The following PCDH15 variants were observed in gnomAD, a reference collection of about 807,000 sequenced individuals.
PCDH15 encodes the protein protocadherin-15.
Under a neutral mutation model 178.5 loss-of-function variants are expected in PCDH15, and 129 were observed. The observed-to-expected ratio is 0.72, with a 90% confidence interval of 0.63 to 0.84. The LOEUF is 0.84. Among genes scored for constraint, PCDH15 ranks in the 40% least tolerant of loss-of-function variants. The pLI, the probability that PCDH15 is intolerant of heterozygous loss-of-function variation, is 0.00. For missense variants in PCDH15, 2,230 were observed against 2,099.9 expected, an observed-to-expected ratio of 1.06 and a Z score of -1.21; for synonymous variants, 800 against 732.0, an observed-to-expected ratio of 1.09 and a Z score of -1.50.
At chr10:55,474,786 A>T (rs531692596) in intron 2 of PCDH15, among the ~76,000 whole-genome samples, 13 of 152,292 alleles carry the variant, frequency 8.5e-5, no homozygotes, top group African/African-American at 3.1e-4. Flanking sequence ...AGATTGTTGG[A>T]ACACATATGT....
chr10:55,417,198 A>T (rs981971683), intron 2 of PCDH15, among the ~76,000 whole-genome samples: 3 of 151,852 alleles, frequency 2.0e-5, no homozygotes, highest in Non-Finnish European at 4.4e-5. Flanking sequence ...CATATTATCC[A>T]TCGCTGTGTT....
intron 2 of PCDH15, among the ~76,000 whole-genome samples, chr10:55,381,469 C>T (rs892650185): frequency 2.0e-5 from 3 of 152,140 alleles, no homozygotes; most frequent in Middle Eastern, 3.4e-3. Flanking sequence ...CAAGATATGT[C>T]CCCAAGAGAG....
chr10:54,576,199 T>C (rs1222639067), intron 2 of PCDH15, among the ~76,000 whole-genome samples: 2 of 152,192 alleles, frequency 1.3e-5, no homozygotes. Flanking sequence ...ACTGCTGCTT[T>C]TCCAGTTGTA....
chr10:55,169,840 A>T (rs1396070234), intron 1 of PCDH15, among the ~76,000 whole-genome samples: 3 of 152,204 alleles, frequency 2.0e-5, no homozygotes, highest in Admixed American at 2.0e-4. Context: ...TGAATTTTGA[A>T]AATCCTTAAG....
At chr10:54,040,204 C>T (rs2093512307) in intron 18 of PCDH15, among the ~76,000 whole-genome samples, 1 of 151,974 alleles carries the variant, frequency 6.6e-6, no homozygotes, top group South Asian at 2.1e-4. Flanking sequence ...GCTGTGTTCT[C>T]ACCCAAATCT....
intron 3 of PCDH15, among the ~76,000 whole-genome samples, chr10:54,844,939 T>TA (rs1953479614): frequency 6.6e-6 from 1 of 151,956 alleles, no homozygotes; most frequent in African/African-American, 2.4e-5. Context: ...AAAGCAGAAT[T>TA]AAGAGCAGGC....
At chr10:55,293,939 C>T (rs1411026172) in intron 1 of PCDH15, among the ~76,000 whole-genome samples, 1 of 152,134 alleles carries the variant, frequency 6.6e-6, no homozygotes, top group Non-Finnish European at 1.5e-5. Flanking sequence ...CAGCAGCACC[C>T]ACTTTTCTGG....
At chr10:54,062,227 C>CAAAAAAAAAAAAAAAAAA (rs72361686) in intron 18 of PCDH15, among the ~76,000 whole-genome samples, 18 of 53,806 alleles carry the variant, frequency 3.3e-4, no homozygotes, top group Admixed American at 3.9e-4. Context: ...GATTCTGTCT[C>CAAAAAAAAAAAAAAAAAA]AAAAAAAAAA....
intron 8 of PCDH15, among the ~76,000 whole-genome samples, chr10:54,287,180 C>CTAG: frequency 6.6e-6 from 1 of 152,208 alleles, no homozygotes; most frequent in East Asian, 1.9e-4. Context: ...CTTCTCAAAA[C>CTAG]TTCTAAAGTT....
At chr10:55,590,097 A>G (rs1292331547) in intron 2 of PCDH15, among the ~76,000 whole-genome samples, 1 of 151,150 alleles carries the variant, frequency 6.6e-6, no homozygotes, top group African/African-American at 2.4e-5. Flanking sequence ...GATTAAGAAA[A>G]TGTGGCACAT....
At chr10:54,438,958 G>A (rs2075617804) in intron 3 of PCDH15, among the ~76,000 whole-genome samples, 1 of 152,000 alleles carries the variant, frequency 6.6e-6, no homozygotes, top group Non-Finnish European at 1.5e-5. Context: ...GGTCAATGAA[G>A]GTTGTAGAGT....
intron 2 of PCDH15, among the ~76,000 whole-genome samples, chr10:55,334,242 A>ATATATATATATATATATATG (rs1291195941): frequency 2.9e-4 from 21 of 72,146 alleles, no homozygotes; most frequent in African/African-American, 1.0e-3. Flanking sequence ...ATATATATAT[A>ATATATATATATATATATATG]TGTGTGTGTG....
At chr10:54,863,383 A>T (rs187332844) in intron 3 of PCDH15, among the ~76,000 whole-genome samples, 442 of 152,276 alleles carry the variant, frequency 2.9e-3, no homozygotes, top group African/African-American at 1.0e-2. Context: ...TCTACTAAAA[A>T]TACAAAAAAT....
intron 3 of PCDH15, among the ~76,000 whole-genome samples, chr10:54,869,634 G>T (rs1279660782): frequency 6.6e-6 from 1 of 152,128 alleles, no homozygotes; most frequent in Non-Finnish European, 1.5e-5. Context: ...AATAAGAATT[G>T]TATTTTCTTC....
At chr10:54,490,193 A>G (rs1156882459) in intron 3 of PCDH15, among the ~76,000 whole-genome samples, 6 of 152,126 alleles carry the variant, frequency 3.9e-5, no homozygotes, top group Non-Finnish European at 5.9e-5. Context: ...GCTCATGCCT[A>G]TAATCCCAGC....
In PCDH15 at chr10:55,540,500, A is replaced by G. The variant is rs548948504; in HGVS notation, c.-156+87125T>C. Among the ~76,000 whole-genome samples, 52 of 152,204 alleles carry G rather than the reference A, an allele frequency of 3.4e-4. No individual in the cohort carries two copies. The South Asian group carries it at 0.011, about 31-fold the overall frequency. On this transcript the variant is annotated intron_variant, in intron 2 of 5. Transcript: ENST00000613346. ...CCTATTGCATAAAATCTCAATGATC[A>G]GGCTTATGAAAAAACAAACCTTCAC...
intron 10 of PCDH15, among the ~76,000 whole-genome samples, chr10:54,198,492 A>ATTCTTTTTTTTTTTT (rs2049900498): frequency 2.4e-5 from 1 of 40,856 alleles, no homozygotes; most frequent in Admixed American, 3.4e-4. Flanking sequence ...ATATCTAATT[A>ATTCTTTTTTTTTTTT]TTCTTTTTTT....
intron 2 of PCDH15, among the ~76,000 whole-genome samples, chr10:54,652,558 T>G (rs946514076): frequency 6.6e-6 from 1 of 152,184 alleles, no homozygotes; most frequent in Non-Finnish European, 1.5e-5. Flanking sequence ...TAACTCAGAA[T>G]GTAACTATAT....
At chr10:54,842,014 T>C (rs1200422072) in intron 3 of PCDH15, among the ~76,000 whole-genome samples, 1 of 151,796 alleles carries the variant, frequency 6.6e-6, no homozygotes. Context: ...GGGAAGAGGG[T>C]CAAATTAAGA....
Sources: allele counts gnomAD v4.1 joint callset (sites outside exome capture counted in the v4.1 genomes callset), GRCh38; gene constraint gnomAD v4.1.1; transcripts MANE v1.5; gene names NCBI Gene and HGNC (gene_info 2026-07-23, HGNC 2026-07-21).